The following MEGF10 variants were observed in gnomAD, a reference collection of about 807,000 sequenced individuals.
MEGF10 encodes the protein multiple epidermal growth factor-like domains protein 10.
In MEGF10, 86 loss-of-function variants were observed where a neutral mutation model predicts 147.5. That is an observed-to-expected ratio of 0.58 (90% CI 0.49 to 0.70). The LOEUF (loss-of-function observed/expected upper bound fraction) is 0.70, where lower values mean the gene tolerates loss of function less well. Among genes scored for constraint, MEGF10 ranks in the 30% least tolerant of loss-of-function variants. The pLI is 0.00. For missense variants in MEGF10, 1,329 were observed against 1,487.3 expected (o/e 0.89, Z 1.75); for synonymous variants, 478 against 525.5 (o/e 0.91, Z 1.24).
intron 1 of MEGF10, among the ~76,000 whole-genome samples, chr5:127,329,702 C>T (rs1761175460): frequency 1.3e-5 from 2 of 151,948 alleles, no homozygotes; most frequent in Non-Finnish European, 2.9e-5. Context: ...TAATCTGGCT[C>T]ATTATTACTA....
chr5:127,368,353 A>C (rs2126857331), intron 4 of MEGF10, among the ~76,000 whole-genome samples: 2 of 152,306 alleles, frequency 1.3e-5, no homozygotes, highest in East Asian at 3.9e-4. Flanking sequence ...TTCCTCACTA[A>C]ATCGCCTAGG....
intron 1 of MEGF10, among the ~76,000 whole-genome samples, chr5:127,325,171 T>C (rs940759181): frequency 6.6e-5 from 10 of 152,306 alleles, no homozygotes; most frequent in South Asian, 2.1e-4. Context: ...CAAGTTTGAC[T>C]TTCTTCATGA....
intron 22 of MEGF10, among the ~76,000 whole-genome samples, chr5:127,453,911 A>T (rs1766255439): frequency 6.6e-6 from 1 of 152,170 alleles, no homozygotes; most frequent in Non-Finnish European, 1.5e-5. Context: ...CAATTTTTCC[A>T]GCATGAGCCG....
chr5:127,365,600 C>G (rs1400316880), intron 4 of MEGF10, among the ~76,000 whole-genome samples: 2 of 152,182 alleles, frequency 1.3e-5, no homozygotes, highest in Non-Finnish European at 2.9e-5. Flanking sequence ...ATGGCCTGTT[C>G]TTCTCATCAG....
intron 5 of MEGF10, among the ~76,000 whole-genome samples, chr5:127,390,278 T>A (rs926036801): frequency 1.3e-5 from 2 of 152,026 alleles, no homozygotes; most frequent in Non-Finnish European, 2.9e-5. Flanking sequence ...TTGCTAAAAT[T>A]GGATTACATG....
Position 127,417,699 on chromosome 5 carries a change from G to A in MEGF10, c.1192G>A (p.Glu398Lys), listed in dbSNP as rs200174116. 1 of 1,614,124 alleles carries A rather than the reference G, an allele frequency of 6.2e-7. No homozygotes were observed. Among genetic ancestry groups the A allele is most frequent in the Admixed American group, 1.7e-5 (1 of 59,998 alleles). ...GGGCTGGTCAGGACTCTACTGTAAT[G>A]AGACATGTTCTCCTGGATTCTACGG... Reference protein sequence around the residue: ...KPGWSGLYCNETCSPGFYGEA... With the variant: ...KPGWSGLYCNKTCSPGFYGEA... Residue 398 changes from glutamate (E) to lysine (K), a missense_variant, in exon 10 of 25, where the codon GAG (glutamate) becomes AAG (lysine). By Grantham distance (56) the Glu-to-Lys change is moderately conservative. This residue lies in a region of MEGF10 where 980 missense variants were observed against 1,085.9 expected (regional missense o/e 0.90). Coordinates refer to ENST00000503335, the MANE Select transcript of MEGF10 (RefSeq NM_001256545.2).
rs138673461 is a variant in MEGF10, at chr5:127,450,821, C to T, written c.2980+1599C>T. Among the ~76,000 whole-genome samples, 353 of 152,112 alleles carry T rather than the reference C, an allele frequency of 2.3e-3. 1 individual carries two copies. The highest frequency in any genetic ancestry group is 7.9e-3 in the African/African-American group (326 of 41,494). On this transcript the variant is annotated intron_variant, in intron 22 of 24. Coordinates refer to ENST00000503335, the MANE Select transcript of MEGF10 (RefSeq NM_001256545.2). ...TCGTCTAGGCTGTAGTGCAGTGGCG[C>T]GATCTCGGCTCACTGCAAGATCTGC...
intron 1 of MEGF10, among the ~76,000 whole-genome samples, chr5:127,319,867 T>G (rs1760723625): frequency 6.6e-6 from 1 of 152,208 alleles, no homozygotes; most frequent in African/African-American, 2.4e-5. Context: ...GTATAGCAAT[T>G]CGTATTATTG....
chr5:127,306,524 C>T (rs893122360), intron 1 of MEGF10, among the ~76,000 whole-genome samples: 1 of 152,326 alleles, frequency 6.6e-6, no homozygotes, highest in South Asian at 2.1e-4. Flanking sequence ...CTACCATGCC[C>T]GTCTTCCATG....
chr5:127,352,435 G>T (rs1762116246), intron 4 of MEGF10, among the ~76,000 whole-genome samples: 1 of 152,170 alleles, frequency 6.6e-6, no homozygotes, highest in Non-Finnish European at 1.5e-5. Flanking sequence ...GCCGAGGCAG[G>T]CAGATCACCT....
At chr5:127,292,217 G>A (rs905509060) in intron 1 of MEGF10, among the ~76,000 whole-genome samples, 2 of 152,052 alleles carry the variant, frequency 1.3e-5, no homozygotes, top group Admixed American at 6.6e-5. Flanking sequence ...CTGGGCACCC[G>A]CCAGCCTGGG....
intron 4 of MEGF10, among the ~76,000 whole-genome samples, chr5:127,351,751 T>G (rs529425504): frequency 4.9e-4 from 74 of 152,276 alleles, no homozygotes; most frequent in African/African-American, 1.8e-3. Context: ...AACTTCACAC[T>G]ACACATGGAA....
the MEGF10 span, among the ~76,000 whole-genome samples, chr5:127,235,066 G>A: frequency 2.0e-5 from 3 of 152,042 alleles, no homozygotes; most frequent in South Asian, 2.1e-4. Flanking sequence ...GACTGGTTGC[G>A]AACATCTCAC....
chr5:127,387,005 G>T (rs1763459576), intron 5 of MEGF10, among the ~76,000 whole-genome samples: 1 of 152,242 alleles, frequency 6.6e-6, no homozygotes, highest in Non-Finnish European at 1.5e-5. Flanking sequence ...GGGCTAGCTA[G>T]GGCCCAGGTC....
intron 2 of MEGF10, among the ~76,000 whole-genome samples, chr5:127,333,366 A>C (rs1311511718): frequency 6.6e-6 from 1 of 152,054 alleles, no homozygotes; most frequent in African/African-American, 2.4e-5. Context: ...AAATACAAAA[A>C]GCCAAGTGTG....
At chr5:127,334,128 G>A (rs1761376584) in intron 2 of MEGF10, among the ~76,000 whole-genome samples, 1 of 152,036 alleles carries the variant, frequency 6.6e-6, no homozygotes, top group Non-Finnish European at 1.5e-5. Context: ...ATCAAATAAA[G>A]GCACAGGTGA....
chr5:127,379,514 G>A (rs11960775), intron 5 of MEGF10, among the ~76,000 whole-genome samples: 7,366 of 150,386 alleles, frequency 0.049, 279 homozygotes, highest in Non-Finnish European at 0.073. Flanking sequence ...GAACACACTC[G>A]TCTTATTTTT....
chr5:127,274,359 T>C, the MEGF10 span, among the ~76,000 whole-genome samples: 1 of 152,208 alleles, frequency 6.6e-6, no homozygotes, highest in Admixed American at 6.5e-5. Context: ...TATTAGATAA[T>C]ACAATAGAGT....
chr5:127,379,027 GT>G (rs1368627281), intron 5 of MEGF10, among the ~76,000 whole-genome samples: 1 of 144,488 alleles, frequency 6.9e-6, no homozygotes, highest in African/African-American at 2.6e-5. Context: ...GGGCTGTCAT[GT>G]TGTTTAACTC....
Sources: gnomAD v4.1 joint callset for allele counts (sites outside exome capture counted in the v4.1 genomes callset) on GRCh38, gnomAD v4.1.1 for gene constraint, gnomAD v4.1.1 regional missense constraint, MANE v1.5 for transcripts, NCBI Gene and HGNC (gene_info 2026-07-23, HGNC 2026-07-21) for gene names.